The following FAM135B variants were observed in gnomAD, a reference collection of about 807,000 sequenced individuals.
The protein encoded by FAM135B is family with sequence similarity 135 member B, also known as protein FAM135B.
In FAM135B, 43 loss-of-function variants were observed where a neutral mutation model predicts 127.7. That is an observed-to-expected ratio of 0.34 (90% CI 0.26 to 0.43). The LOEUF (loss-of-function observed/expected upper bound fraction) is 0.43, where lower values mean the gene tolerates loss of function less well. Among genes scored for constraint, FAM135B ranks in the 20% least tolerant of loss-of-function variants. FAM135B has a pLI of 1.00. For synonymous variants in FAM135B, 670 were observed against 665.1 expected, an observed-to-expected ratio of 1.01 and a Z score of -0.11; for missense variants, 1,558 against 1,725.6, an observed-to-expected ratio of 0.90 and a Z score of 1.72.
At chr8:138,389,214 T>C (rs1003518812) in intron 1 of FAM135B, among the ~76,000 whole-genome samples, 4 of 152,216 alleles carry the variant, frequency 2.6e-5, no homozygotes, top group Non-Finnish European at 5.9e-5. Flanking sequence ...GAATATGGAA[T>C]GATGCAACAG....
chr8:138,464,398 TC>T (rs994546898), intron 1 of FAM135B, among the ~76,000 whole-genome samples: 1 of 150,732 alleles, frequency 6.6e-6, no homozygotes, highest in Non-Finnish European at 1.5e-5. Context: ...CTCAAAAACC[TC>T]CCCCCCAACA....
intron 2 of FAM135B, among the ~76,000 whole-genome samples, chr8:138,343,172 T>C (rs1829172222): frequency 6.6e-6 from 1 of 152,190 alleles, no homozygotes; most frequent in Non-Finnish European, 1.5e-5. Context: ...AATCCAGAAC[T>C]AAGGGCTGGA....
intron 1 of FAM135B, among the ~76,000 whole-genome samples, chr8:138,381,728 C>T (rs979133680): frequency 3.3e-5 from 5 of 152,184 alleles, no homozygotes; most frequent in South Asian, 2.1e-4. Context: ...CTACTTAGGA[C>T]ATTAAGACTG....
At chr8:138,345,115 A>C (rs1829322981) in intron 2 of FAM135B, among the ~76,000 whole-genome samples, 1 of 152,124 alleles carries the variant, frequency 6.6e-6, no homozygotes, top group African/African-American at 2.4e-5. Flanking sequence ...GATGAGGGTC[A>C]GAATAGTTCA....
chr8:138,410,062 G>C (rs535560705), intron 1 of FAM135B, among the ~76,000 whole-genome samples: 1 of 152,204 alleles, frequency 6.6e-6, no homozygotes, highest in Admixed American at 6.5e-5. Flanking sequence ...TATACTGCTG[G>C]TGAGAGTGAA....
At position 138,241,152 on chromosome 8, in the gene FAM135B, C is replaced by T. The variant is rs2130351677; in HGVS notation, c.669+1790G>A. ...CGGCCGACCACGGGGAGCTTTGCCT[C>T]AGTGATGGTCCTGTAGCAAAGGACC... On this transcript the variant is annotated intron_variant, in intron 7 of 19. Transcript: ENST00000395297. This position sits in a 1 kb window ranked among gnomAD's most constrained non-coding sequence, Gnocchi z 4.8. Among the ~76,000 whole-genome samples, 1 of 152,298 alleles carries T rather than the reference C, an allele frequency of 6.6e-6. No homozygotes were observed. The highest frequency in any genetic ancestry group is 2.4e-5 in the African/African-American group (1 of 41,568).
chr8:138,217,435 T>TC (rs1818636590), intron 7 of FAM135B, among the ~76,000 whole-genome samples: 1 of 148,350 alleles, frequency 6.7e-6, no homozygotes, highest in Admixed American at 6.7e-5. Context: ...TATATTTCTT[T>TC]TTTTTTTTTT....
intron 1 of FAM135B, among the ~76,000 whole-genome samples, chr8:138,445,099 C>T (rs564826962): frequency 0.014 from 2,173 of 152,212 alleles, 50 homozygotes; most frequent in African/African-American, 0.049. Context: ...CAAGACTAAA[C>T]CAGGAAGAAG....
At position 138,151,665 on chromosome 8, in the gene FAM135B, A is replaced by C. The variant is rs762434977; in HGVS notation, c.2810T>G (p.Leu937Trp). The C allele has an allele frequency of 1.2e-6, 2 of 1,614,130 alleles. No individual in the cohort carries two copies. Among genetic ancestry groups the C allele is most frequent in the East Asian group, 4.5e-5 (2 of 44,870 alleles). ...EGLSQHQVPELSCTSAADAIN... is the reference protein window; with the variant it reads ...EGLSQHQVPEWSCTSAADAIN... ...GGCATCAGCAGCTGACGTACAGCTC[A>C]ATTCAGGCACCTGATGTTGAGAGAG... Residue 937 changes from leucine (L) to tryptophan (W), a missense_variant, in exon 13 of 20, where the codon TTG becomes TGG. This residue lies in a region of FAM135B where 923 missense variants were observed against 865.3 expected (regional missense o/e 1.07). Transcript: ENST00000395297.
chr8:138,290,714 T>G lies in FAM135B; in HGVS notation c.157+20127A>C, dbSNP rs142015698. ...ATATTTTGAGCAGAGAGAGACTTAGTGCAGGGATTTGGTTGCAAGGGTATT... is the reference window on the plus strand; with the variant it reads ...ATATTTTGAGCAGAGAGAGACTTAGGGCAGGGATTTGGTTGCAAGGGTATT... On this transcript the variant is annotated intron_variant, in intron 3 of 19. Transcript: ENST00000395297. Among the ~76,000 whole-genome samples, 1,429 of 152,262 alleles carry G rather than the reference T, an allele frequency of 9.4e-3. 9 individuals are homozygous for G. Among genetic ancestry groups the G allele is most frequent in the Non-Finnish European group, 0.014 (954 of 68,010 alleles).
intron 8 of FAM135B, 96 bp downstream of exon 8, chr8:138,197,420 T>G: frequency 3.5e-6 from 5 of 1,444,024 alleles, no homozygotes; most frequent in South Asian, 1.3e-5. Context: ...GTTATTCCTG[T>G]GACATTTACA....
chr8:138,172,320 A>ACGTT (rs1820537577), intron 11 of FAM135B, among the ~76,000 whole-genome samples: 1 of 152,076 alleles, frequency 6.6e-6, no homozygotes, highest in Non-Finnish European at 1.5e-5. Context: ...AGCCCCACTG[A>ACGTT]CGTTCTCCTA....
chr8:138,193,982 C>G (rs1041542055), intron 9 of FAM135B, among the ~76,000 whole-genome samples: 5 of 152,146 alleles, frequency 3.3e-5, no homozygotes, highest in African/African-American at 1.2e-4. Context: ...AGAGCTGTAG[C>G]CATCTAGAGC....
intron 2 of FAM135B, among the ~76,000 whole-genome samples, chr8:138,363,419 G>T (rs1830555164): frequency 6.6e-6 from 1 of 152,106 alleles, no homozygotes; most frequent in African/African-American, 2.4e-5. Flanking sequence ...CTCAAAAATG[G>T]CAGACCATGG....
In FAM135B at chr8:138,321,776, T is replaced by C. The variant is rs1186368597; in HGVS notation, c.78-10856A>G. On this transcript the variant is annotated intron_variant, in intron 2 of 19. Transcript: ENST00000395297. ...ATAATAAAAACAATGATGATGAAGA[T>C]GGCTTTATGAAGGCACCTTGGGCAC... Among the ~76,000 whole-genome samples, 7 of 152,204 alleles carry C rather than the reference T, an allele frequency of 4.6e-5. No individual in the cohort carries two copies. The East Asian group carries it at 1.3e-3, about 29-fold the overall frequency.
intron 1 of FAM135B, among the ~76,000 whole-genome samples, chr8:138,383,564 G>A (rs977653556): frequency 1.3e-5 from 2 of 152,184 alleles, no homozygotes; most frequent in Admixed American, 6.5e-5. Context: ...AAACCACAGA[G>A]GCAAAACCTT....
chr8:138,484,490 G>A (rs931970009), intron 1 of FAM135B, among the ~76,000 whole-genome samples: 13 of 152,198 alleles, frequency 8.5e-5, no homozygotes, highest in African/African-American at 2.4e-4. Flanking sequence ...GTGTGACTGT[G>A]AACAGTATTT....
chr8:138,346,076 GAA>G (rs1829389299), intron 2 of FAM135B, among the ~76,000 whole-genome samples: 2 of 152,170 alleles, frequency 1.3e-5, no homozygotes, highest in African/African-American at 2.4e-5. Context: ...ACTGATTAGA[GAA>G]ATGCAAATCA....
intron 1 of FAM135B, among the ~76,000 whole-genome samples, chr8:138,403,256 C>T (rs1175866030): frequency 2.0e-5 from 3 of 152,128 alleles, no homozygotes; most frequent in African/African-American, 7.2e-5. Context: ...CTCCCTCTTC[C>T]CATTCAACCC....
Sources: allele counts gnomAD v4.1 joint callset (sites outside exome capture counted in the v4.1 genomes callset), GRCh38; gene constraint gnomAD v4.1.1; regional missense constraint gnomAD v4.1.1; non-coding constraint Gnocchi (gnomAD v3.1); transcripts MANE v1.5; gene names NCBI Gene and HGNC (gene_info 2026-07-23, HGNC 2026-07-21).